DPYD: variants seen among roughly 807,000 people sequenced by gnomAD.
DPYD encodes dihydropyrimidine dehydrogenase [NADP(+)].
In DPYD, 109 loss-of-function variants were observed where a neutral mutation model predicts 116.2. The ratio of observed to expected loss-of-function variants is 0.94; its 90% CI spans 0.80 to 1.10. DPYD has a LOEUF of 1.10. Among genes scored for constraint, DPYD ranks in the 50% least tolerant of loss-of-function variants. The pLI is 0.00. For missense variants in DPYD, 1,302 were observed against 1,254.5 expected, an observed-to-expected ratio of 1.04 and a Z score of -0.57; for synonymous variants, 440 against 432.0, an observed-to-expected ratio of 1.02 and a Z score of -0.23.
intron 12 of DPYD, among the ~76,000 whole-genome samples, chr1:97,525,792 G>A (rs532667153): frequency 6.0e-4 from 90 of 151,032 alleles, no homozygotes; most frequent in Non-Finnish European, 9.0e-4. Flanking sequence ...GAGAGAGAGT[G>A]TGTGTGTGTT....
At chr1:97,291,702 G>A (rs796340896) in intron 18 of DPYD, among the ~76,000 whole-genome samples, 1 of 151,808 alleles carries the variant, frequency 6.6e-6, no homozygotes, top group African/African-American at 2.4e-5. Context: ...TGGGGGGAGT[G>A]GGGAGGGATA....
chr1:97,383,275 G>A (rs1483586028), intron 14 of DPYD, among the ~76,000 whole-genome samples: 1 of 151,882 alleles, frequency 6.6e-6, no homozygotes, highest in South Asian at 2.1e-4. Context: ...TCAGGAGTTC[G>A]AGACCAACCT....
In DPYD at chr1:97,306,320, T is replaced by C. The variant is rs371116410; in HGVS notation, c.2059-23A>G. 1.9e-6 allele frequency: 3 copies of C among 1,611,626 alleles called. No individual in the cohort carries two copies. In the South Asian group the frequency reaches 3.3e-5, roughly 18 times the overall value. On this transcript the variant is annotated intron_variant, in intron 16 of 22. Transcript: ENST00000370192. Reference sequence around the variant, plus strand: ...ATCCTGTTCAAATAGGTCGGTTAAATATAGAACAAAATTAAAGAATTGTGA... The same window carrying C: ...ATCCTGTTCAAATAGGTCGGTTAAACATAGAACAAAATTAAAGAATTGTGA...
At chr1:97,490,548 G>A (rs1200212825) in intron 13 of DPYD, among the ~76,000 whole-genome samples, 7 of 148,766 alleles carry the variant, frequency 4.7e-5, no homozygotes, top group Non-Finnish European at 1.0e-4. Context: ...AGGCTGCAGA[G>A]AGAAGGCAAA....
intron 10 of DPYD, among the ~76,000 whole-genome samples, chr1:97,588,034 G>T (rs975574809): frequency 2.0e-5 from 3 of 152,076 alleles, no homozygotes; most frequent in Non-Finnish European, 4.4e-5. Context: ...TTTAAATGTT[G>T]TGCTATTTCA....
At chr1:97,601,253 G>A (rs1473537594) in intron 8 of DPYD, among the ~76,000 whole-genome samples, 1 of 151,848 alleles carries the variant, frequency 6.6e-6, no homozygotes, top group East Asian at 1.9e-4. Flanking sequence ...TGCACATAAA[G>A]CATGCTGGTA....
chr1:97,836,014 T>C (rs1669755728), intron 2 of DPYD, among the ~76,000 whole-genome samples: 1 of 152,154 alleles, frequency 6.6e-6, no homozygotes, highest in South Asian at 2.1e-4. Flanking sequence ...TAGGATATTA[T>C]CCCTATAAGG....
At chr1:97,752,646 C>A (rs1664996927) in intron 3 of DPYD, among the ~76,000 whole-genome samples, 2 of 152,034 alleles carry the variant, frequency 1.3e-5, no homozygotes, top group Admixed American at 1.3e-4. Context: ...GTGCATTCCA[C>A]ATGCTCTTCC....
chr1:97,810,278 C>A (rs565934615), intron 3 of DPYD, among the ~76,000 whole-genome samples: 1,361 of 95,520 alleles, frequency 0.014, 16 homozygotes, highest in Non-Finnish European at 0.022. Context: ...CAGAGTGAGA[C>A]TCCATCTCAA....
chr1:97,169,446 G>T lies in DPYD; in HGVS notation c.2622+23623C>A, dbSNP rs577797970. 1.0e-3 allele frequency among the ~76,000 whole-genome samples: 156 copies of T among 152,238 alleles called. 2 individuals are homozygous for T. Among genetic ancestry groups the T allele is most frequent in the African/African-American group, 3.6e-3 (149 of 41,552 alleles). On this transcript the variant is annotated intron_variant, in intron 20 of 22. Coordinates refer to ENST00000370192, the MANE Select transcript of DPYD (RefSeq NM_000110.4). ...TCTTTCCAAGGCGAAATACTTGAGA[G>T]AAAATGCCCTTAGTAGGAAGATGTG...
chr1:97,152,470 A>ACACT (rs1277450816), intron 20 of DPYD, among the ~76,000 whole-genome samples: 1 of 150,774 alleles, frequency 6.6e-6, no homozygotes, highest in South Asian at 2.1e-4. Flanking sequence ...ACACACACAC[A>ACACT]CTTACATAAA....
At chr1:97,908,306 A>G (rs1673748480) in intron 1 of DPYD, among the ~76,000 whole-genome samples, 1 of 151,968 alleles carries the variant, frequency 6.6e-6, no homozygotes, top group Admixed American at 6.6e-5. Context: ...TTGGCCTCCC[A>G]AAGTGCTGGG....
chr1:97,805,656 T>G (rs1399317167), intron 3 of DPYD, among the ~76,000 whole-genome samples: 1 of 151,628 alleles, frequency 6.6e-6, no homozygotes, highest in Non-Finnish European at 1.5e-5. Flanking sequence ...CACAACACCA[T>G]ATTTTTTAGA....
intron 11 of DPYD, 36 bp downstream of exon 11, chr1:97,573,724 C>T (rs2102181613): frequency 6.2e-7 from 1 of 1,612,194 alleles, no homozygotes; most frequent in Non-Finnish European, 8.5e-7. Context: ...AAATAACAGA[C>T]AATTGCATCA....
chr1:97,816,667 A>G (rs1319062752), intron 3 of DPYD, among the ~76,000 whole-genome samples: 1 of 152,188 alleles, frequency 6.6e-6, no homozygotes, highest in Non-Finnish European at 1.5e-5. Flanking sequence ...CATTTTAACT[A>G]TAAAACATAA....
intron 8 of DPYD, among the ~76,000 whole-genome samples, chr1:97,644,146 C>T (rs565446007): frequency 6.6e-6 from 1 of 152,072 alleles, no homozygotes; most frequent in South Asian, 2.1e-4. Flanking sequence ...TTTGAGCTCA[C>T]TGCAATGGTT....
intron 11 of DPYD, among the ~76,000 whole-genome samples, chr1:97,551,927 A>T (rs939546582): frequency 2.0e-5 from 3 of 152,144 alleles, no homozygotes; most frequent in African/African-American, 4.8e-5. Flanking sequence ...ACATTGTATT[A>T]GATATACCAT....
chr1:97,818,613 T>C (rs776005176), intron 3 of DPYD, among the ~76,000 whole-genome samples: 13 of 152,056 alleles, frequency 8.5e-5, no homozygotes, highest in Non-Finnish European at 1.2e-4. Context: ...TTTTCTTCTA[T>C]TTCCCCAATT....
intron 14 of DPYD, among the ~76,000 whole-genome samples, chr1:97,424,006 C>T (rs1674730075): frequency 6.6e-6 from 1 of 152,090 alleles, no homozygotes; most frequent in African/African-American, 2.4e-5. Flanking sequence ...AACACACCGA[C>T]ACTATGACAC....
Sources: allele counts gnomAD v4.1 joint callset (sites outside exome capture counted in the v4.1 genomes callset), GRCh38; gene constraint gnomAD v4.1.1; transcripts MANE v1.5; gene names NCBI Gene and HGNC (gene_info 2026-07-23, HGNC 2026-07-21).